The following NALCN variants were observed in gnomAD, a reference collection of about 807,000 sequenced individuals.
NALCN encodes the protein sodium leak channel, non-selective, also known as sodium leak channel NALCN.
Under a neutral mutation model 225.3 loss-of-function variants are expected in NALCN, and 111 were observed. The ratio of observed to expected loss-of-function variants is 0.49; its 90% confidence interval spans 0.42 to 0.58. The LOEUF is 0.58. Among genes scored for constraint, NALCN ranks in the 20% least tolerant of loss-of-function variants. The probability of loss-of-function intolerance (pLI) is 0.00; values close to 1 mark genes in which losing one functional copy is unlikely to be tolerated. For synonymous variants in NALCN, 764 were observed against 769.0 expected, an observed-to-expected ratio of 0.99 and a Z score of 0.11; for missense variants, 1,378 against 2,202.4, an observed-to-expected ratio of 0.63 and a Z score of 7.49.
intron 1 of NALCN, among the ~76,000 whole-genome samples, chr13:101,404,418 G>T (rs576619501): frequency 1.3e-5 from 2 of 152,224 alleles, no homozygotes; most frequent in Non-Finnish European, 2.9e-5. Flanking sequence ...CAGGTTTGTT[G>T]TAGAAAAATT....
intron 7 of NALCN, among the ~76,000 whole-genome samples, chr13:101,295,712 G>A (rs1437691370): frequency 2.0e-5 from 3 of 152,156 alleles, no homozygotes; most frequent in African/African-American, 7.2e-5. Context: ...CCAGGAAGAC[G>A]CTGACGATGG....
intron 7 of NALCN, among the ~76,000 whole-genome samples, chr13:101,302,139 A>G (rs1203988414): frequency 6.6e-6 from 1 of 152,186 alleles, no homozygotes; most frequent in Non-Finnish European, 1.5e-5. Flanking sequence ...TAGTCCAAAA[A>G]TTAGAACCAA....
intron 6 of NALCN, among the ~76,000 whole-genome samples, chr13:101,357,856 G>A (rs1322737225): frequency 6.6e-6 from 1 of 152,080 alleles, no homozygotes; most frequent in Non-Finnish European, 1.5e-5. Context: ...CAATGGAACA[G>A]AACAGAGACC....
In NALCN at chr13:101,151,063, G is replaced by C. The variant is rs143794766; in HGVS notation, c.1840-6167C>G. On this transcript the variant is annotated intron_variant, in intron 15 of 43. Transcript: ENST00000251127. ...AAGCACATTTGCAAGAATGAAATTA[G>C]AATCAAAGAAACAAACTTCAAACCT... 4.3e-3 allele frequency among the ~76,000 whole-genome samples: 661 copies of C among 152,224 alleles called. 4 individuals carry two copies. The highest frequency in any genetic ancestry group is 0.014 in the Middle Eastern group (4 of 294).
chr13:101,079,500 C>A (rs890626295), intron 34 of NALCN, among the ~76,000 whole-genome samples: 7 of 152,170 alleles, frequency 4.6e-5, no homozygotes, highest in Non-Finnish European at 1.0e-4. Context: ...GGAGCCATCA[C>A]TCCCTTGGGG....
At chr13:101,114,722 GT>G (rs1349672317) in intron 18 of NALCN, among the ~76,000 whole-genome samples, 1 of 152,162 alleles carries the variant, frequency 6.6e-6, no homozygotes, top group Non-Finnish European at 1.5e-5. Context: ...GATGAAAAAC[GT>G]GTTGTTTAAA....
chr13:101,119,701 G>A (rs1288564784), intron 18 of NALCN, among the ~76,000 whole-genome samples: 1 of 152,172 alleles, frequency 6.6e-6, no homozygotes, highest in Non-Finnish European at 1.5e-5. Flanking sequence ...GAGAGAAAAG[G>A]TCACTGCCTT....
intron 3 of NALCN, among the ~76,000 whole-genome samples, chr13:101,384,174 T>G (rs537922007): frequency 4.7e-4 from 71 of 152,252 alleles, no homozygotes; most frequent in African/African-American, 1.6e-3. Context: ...TTCTAAAATA[T>G]GCAACCAGAA....
At chr13:101,154,018 A>C (rs900029206) in intron 15 of NALCN, among the ~76,000 whole-genome samples, 2 of 152,170 alleles carry the variant, frequency 1.3e-5, no homozygotes, top group African/African-American at 4.8e-5. Flanking sequence ...AACTCTTATA[A>C]ATCCTTCCAA....
chr13:101,192,620 A>C (rs914752847), intron 13 of NALCN, among the ~76,000 whole-genome samples: 2 of 152,136 alleles, frequency 1.3e-5, no homozygotes, highest in African/African-American at 4.8e-5. Flanking sequence ...ATTTAAAAAA[A>C]GTTTCAAGGC....
chr13:101,143,246 T>C (rs934590512), intron 16 of NALCN, 25 bp from the exon 17 acceptor site: 1 of 1,580,722 alleles, frequency 6.3e-7, no homozygotes, highest in African/African-American at 1.4e-5. Flanking sequence ...TATATGTGCA[T>C]CAGGCATTAT....
At chr13:101,163,099 C>T (rs756735223) in intron 15 of NALCN, among the ~76,000 whole-genome samples, 2 of 152,114 alleles carry the variant, frequency 1.3e-5, no homozygotes, top group Non-Finnish European at 2.9e-5. Context: ...GATAGGGTTT[C>T]ACCATATTGG....
chr13:101,212,127 C>T (rs2040548122), intron 13 of NALCN, among the ~76,000 whole-genome samples: 1 of 152,112 alleles, frequency 6.6e-6, no homozygotes, highest in African/African-American at 2.4e-5. Context: ...TGTGATTCTC[C>T]ATGTCTCTAA....
chr13:101,400,389 A>C (rs546102845), intron 1 of NALCN, among the ~76,000 whole-genome samples: 1 of 152,126 alleles, frequency 6.6e-6, no homozygotes, highest in South Asian at 2.1e-4. Context: ...CAGGCAAAAA[A>C]AAGAGGCTGA....
intron 6 of NALCN, among the ~76,000 whole-genome samples, chr13:101,350,612 C>T (rs996911174): frequency 6.6e-6 from 1 of 152,116 alleles, no homozygotes; most frequent in African/African-American, 2.4e-5. Flanking sequence ...CCTGACACAG[C>T]GTCTATGATA....
intron 7 of NALCN, among the ~76,000 whole-genome samples, chr13:101,339,244 A>G (rs2045480859): frequency 1.3e-5 from 2 of 152,178 alleles, no homozygotes; most frequent in Admixed American, 6.5e-5. Flanking sequence ...CCACTGTATG[A>G]TTCCTACCCA....
chr13:101,118,607 C>G (rs887295023), intron 18 of NALCN, among the ~76,000 whole-genome samples: 1 of 152,104 alleles, frequency 6.6e-6, no homozygotes, highest in Admixed American at 6.6e-5. Flanking sequence ...ACTAACTTAT[C>G]AGAGTTTTTA....
At chr13:101,190,840 G>T (rs932970500) in intron 14 of NALCN, among the ~76,000 whole-genome samples, 1 of 152,172 alleles carries the variant, frequency 6.6e-6, no homozygotes, top group Admixed American at 6.5e-5. Context: ...ATTTGACAAA[G>T]ACATTTTTTC....
chr13:101,134,064 G>T (rs2139743496), intron 17 of NALCN, among the ~76,000 whole-genome samples: 1 of 152,220 alleles, frequency 6.6e-6, no homozygotes, highest in African/African-American at 2.4e-5. Flanking sequence ...CAGCTGCTCG[G>T]GAGGCTGAGG....
Sources: gnomAD v4.1 joint callset for allele counts (sites outside exome capture counted in the v4.1 genomes callset) on GRCh38, gnomAD v4.1.1 for gene constraint, MANE v1.5 for transcripts, NCBI Gene and HGNC (gene_info 2026-07-23, HGNC 2026-07-21) for gene names.